The following ELL variants were observed in gnomAD, a reference collection of about 807,000 sequenced individuals.
ELL encodes the protein elongation factor for RNA polymerase II.
Under a neutral mutation model 64.0 loss-of-function variants are expected in ELL, and 18 were observed. The ratio of observed to expected loss-of-function variants is 0.28; its 90% CI spans 0.19 to 0.42. The LOEUF (loss-of-function observed/expected upper bound fraction) is 0.42, where lower values mean the gene tolerates loss of function less well. Among genes scored for constraint, ELL ranks in the 10% least tolerant of loss-of-function variants. The probability of loss-of-function intolerance (pLI) is 1.00; values close to 1 mark genes in which losing one functional copy is unlikely to be tolerated. For missense variants in ELL, 797 were observed against 870.4 expected (o/e 0.92, Z 1.06); for synonymous variants, 399 against 376.2 (o/e 1.06, Z -0.70).
intron 6 of ELL, among the ~76,000 whole-genome samples, chr19:18,455,207 G>A (rs1568378049): frequency 6.6e-6 from 1 of 151,106 alleles, no homozygotes; most frequent in Non-Finnish European, 1.5e-5. Flanking sequence ...AACATGATGA[G>A]TTAGGCCAGG....
chr19:18,469,533 C>A (rs1244181521), intron 2 of ELL, among the ~76,000 whole-genome samples: 6 of 152,240 alleles, frequency 3.9e-5, no homozygotes, highest in African/African-American at 1.4e-4. Context: ...CAGTGACCCA[C>A]GTACCAGTGG....
chr19:18,493,705 G>A (rs2144956882), intron 1 of ELL, among the ~76,000 whole-genome samples: 1 of 152,318 alleles, frequency 6.6e-6, no homozygotes, highest in Admixed American at 6.5e-5. Flanking sequence ...CCTGCCTCAG[G>A]CCCTGCCCCA....
chr19:18,462,030 C>G (rs1974827646), intron 4 of ELL, among the ~76,000 whole-genome samples, 178 bp from the exon 5 acceptor site: 2 of 152,228 alleles, frequency 1.3e-5, no homozygotes, highest in Non-Finnish European at 2.9e-5. Flanking sequence ...AGAGCGCCAC[C>G]TGCTGCCCAA....
intron 4 of ELL, among the ~76,000 whole-genome samples, chr19:18,465,069 C>T (rs527773519): frequency 4.6e-5 from 7 of 152,324 alleles, no homozygotes; most frequent in African/African-American, 1.7e-4. Context: ...CTGTTGATCT[C>T]CCTGACAGGT....
At chr19:18,447,532 A>G (rs1213765528) in intron 8 of ELL, among the ~76,000 whole-genome samples, 1 of 152,236 alleles carries the variant, frequency 6.6e-6, no homozygotes, top group Non-Finnish European at 1.5e-5. Context: ...GGGCCTGCCC[A>G]AAGCAGCACA....
In ELL at chr19:18,446,244, G is replaced by A. The variant is rs375027138; in HGVS notation, c.1704+65C>T. 23 of 1,465,712 alleles carry A rather than the reference G, an allele frequency of 1.6e-5. No homozygotes were observed. In the African/African-American group the frequency reaches 1.8e-4, roughly 12 times the overall value. 90.8% of individuals were successfully genotyped at this position (1,465,712 alleles called of 1,614,324 possible). ...CCACCAAGCTCGTGGTGGCGATGGT[G>A]CGCGCCCAAGTGGGCCCTGGCTCCC... is the stretch of plus-strand genomic sequence containing the variant. On this transcript the variant is annotated intron_variant, in intron 10 of 11. Transcript: ENST00000262809.
chr19:18,460,624 G>A (rs559707427), intron 5 of ELL, among the ~76,000 whole-genome samples: 7 of 152,338 alleles, frequency 4.6e-5, no homozygotes, highest in South Asian at 4.1e-4. Context: ...CCCACCAGCC[G>A]CGCACCCGAG....
chr19:18,455,384 G>A (rs1366970803), intron 6 of ELL, among the ~76,000 whole-genome samples: 1 of 150,830 alleles, frequency 6.6e-6, no homozygotes, highest in Non-Finnish European at 1.5e-5. Flanking sequence ...CCAGCTACTC[G>A]GGAAGCTGAG....
intron 2 of ELL, among the ~76,000 whole-genome samples, chr19:18,467,536 G>A (rs1439397463): frequency 2.0e-5 from 3 of 151,744 alleles, no homozygotes; most frequent in African/African-American, 4.8e-5. Context: ...AGGCAGAAAC[G>A]GCCTGCACTC....
intron 1 of ELL, among the ~76,000 whole-genome samples, chr19:18,513,798 GC>G (rs1346850485): frequency 6.6e-6 from 1 of 151,992 alleles, no homozygotes; most frequent in Non-Finnish European, 1.5e-5. Flanking sequence ...GGGCGTGGTG[GC>G]GGGCGCCTGT....
intron 1 of ELL, among the ~76,000 whole-genome samples, chr19:18,490,365 A>G (rs1390749432): frequency 6.6e-6 from 1 of 152,136 alleles, no homozygotes; most frequent in Non-Finnish European, 1.5e-5. Context: ...AGCAGGGACC[A>G]GCTTCACATT....
chr19:18,472,026 G>A (rs867529691), intron 2 of ELL, among the ~76,000 whole-genome samples: 1 of 151,608 alleles, frequency 6.6e-6, no homozygotes, highest in Non-Finnish European at 1.5e-5. Flanking sequence ...ACAATGGTGC[G>A]ATCTCGGCTC....
chr19:18,499,855 C>G (rs554413240), intron 1 of ELL, among the ~76,000 whole-genome samples: 2 of 152,212 alleles, frequency 1.3e-5, no homozygotes, highest in Admixed American at 1.3e-4. Flanking sequence ...GGAGGAAGAG[C>G]GGGGCCGAGG....
At chr19:18,518,013 G>C (rs1007479325) in intron 1 of ELL, among the ~76,000 whole-genome samples, 1 of 151,584 alleles carries the variant, frequency 6.6e-6, no homozygotes, top group Non-Finnish European at 1.5e-5. Context: ...CTGAGGTCAG[G>C]AGTTCGAGAC....
At chr19:18,446,912 GC>G in intron 8 of ELL, 98 bp from the exon 9 acceptor site, 1 of 1,297,448 alleles carries the variant, frequency 7.7e-7, no homozygotes, top group South Asian at 1.2e-5. Flanking sequence ...TGTACACTTT[GC>G]TGCTGGAGGG....
At chr19:18,521,433 C>T (rs1208782462) in intron 1 of ELL, among the ~76,000 whole-genome samples, 1 of 152,128 alleles carries the variant, frequency 6.6e-6, no homozygotes, top group Non-Finnish European at 1.5e-5. Flanking sequence ...CACCCCCTGC[C>T]GGGCACCCAG....
At chr19:18,454,508 A>C (rs941503812) in intron 6 of ELL, among the ~76,000 whole-genome samples, 1 of 151,538 alleles carries the variant, frequency 6.6e-6, no homozygotes, top group Non-Finnish European at 1.5e-5. Context: ...AAAATAAATA[A>C]AGAAATAAAT....
chr19:18,520,590 G>A (rs1376028149), intron 1 of ELL, among the ~76,000 whole-genome samples: 1 of 152,066 alleles, frequency 6.6e-6, no homozygotes, highest in African/African-American at 2.4e-5. Flanking sequence ...GGCACCGGGA[G>A]AGTGGTGGAA....
At chr19:18,498,891 AGT>A (rs1975721720) in intron 1 of ELL, among the ~76,000 whole-genome samples, 1 of 152,190 alleles carries the variant, frequency 6.6e-6, no homozygotes, top group South Asian at 2.1e-4. Flanking sequence ...CAGAGGTTGC[AGT>A]GAGTCGAGAT....
Sources: allele counts gnomAD v4.1 joint callset (sites outside exome capture counted in the v4.1 genomes callset), GRCh38; gene constraint gnomAD v4.1.1; transcripts MANE v1.5; gene names NCBI Gene and HGNC (gene_info 2026-07-23, HGNC 2026-07-21).